The following BCAS3 variants were observed in gnomAD, a reference collection of about 807,000 sequenced individuals.
BCAS3 encodes the protein BCAS4/BCAS3 fusion.
A neutral mutation model predicts 116.1 loss-of-function variants in BCAS3; 53 were observed. The observed-to-expected ratio is 0.46, with a 90% CI of 0.37 to 0.57. BCAS3 has a LOEUF of 0.57. BCAS3 is among the 20% of genes least tolerant of loss of function. BCAS3 has a pLI of 0.00. For synonymous variants in BCAS3, 391 were observed against 408.2 expected, an observed-to-expected ratio of 0.96 and a Z score of 0.51; for missense variants, 917 against 1,165.4, an observed-to-expected ratio of 0.79 and a Z score of 3.10.
rs539534503 is a variant in BCAS3, at chr17:61,208,833, G to A, written c.2425+124269G>A. Among the ~76,000 whole-genome samples, 17 of 149,918 alleles carry A rather than the reference G, an allele frequency of 1.1e-4. No individual in the cohort carries two copies. The highest frequency in any genetic ancestry group is 3.9e-4 in the African/African-American group (16 of 40,656). ...CTTGCAGTGCAAGTCTATGATATAA[G>A]TGGTGTAGAGTGGTTTTGTTGCTAA... On this transcript the variant is annotated intron_variant, in intron 22 of 23. Coordinates refer to ENST00000407086, the MANE Select transcript of BCAS3 (RefSeq NM_017679.5). The surrounding 1 kb of genome is among the most constrained non-coding windows in gnomAD (Gnocchi z 4.5).
In BCAS3 at chr17:61,286,437, A is replaced by G. The variant is rs2051793057; in HGVS notation, c.2426-81890A>G. On this transcript the variant is annotated intron_variant, in intron 22 of 23. Transcript: ENST00000407086. This position sits in a 1 kb window ranked among gnomAD's most constrained non-coding sequence, Gnocchi z 4.8. ...ATTGGGAGGCTGGTAAATGGCCAGCAGGATAGAAATCCGACGTGGTGTTTA... is the reference window on the plus strand; with the variant it reads ...ATTGGGAGGCTGGTAAATGGCCAGCGGGATAGAAATCCGACGTGGTGTTTA... 6.6e-6 allele frequency among the ~76,000 whole-genome samples: 1 copy of G among 152,236 alleles called. No individual in the cohort carries two copies. The highest frequency in any genetic ancestry group is 1.5e-5 in the Non-Finnish European group (1 of 68,048).
intron 6 of BCAS3, among the ~76,000 whole-genome samples, chr17:60,803,025 A>G (rs1474302593): frequency 6.6e-6 from 1 of 152,126 alleles, no homozygotes; most frequent in African/African-American, 2.4e-5. Flanking sequence ...ACTTGTTAAC[A>G]TGTCCCAGAA....
chr17:61,198,193 T>C lies in BCAS3; in HGVS notation c.2425+113629T>C, dbSNP rs1601857432. On this transcript the variant is annotated intron_variant, in intron 22 of 23. Transcript: ENST00000407086. This position sits in a 1 kb window ranked among gnomAD's most constrained non-coding sequence, Gnocchi z 5.0. ...TCTCACTCTGTCCCCCAGGCTGGAG[T>C]GCAGTGGCCCAATCTCAGCTTACTG... Among the ~76,000 whole-genome samples, 1 of 149,964 alleles carries C rather than the reference T, an allele frequency of 6.7e-6. No individual in the cohort carries two copies. Among genetic ancestry groups the C allele is most frequent in the Non-Finnish European group, 1.5e-5 (1 of 67,738 alleles).
In BCAS3 at chr17:61,214,185, C is replaced by T. The variant is rs570269234; in HGVS notation, c.2425+129621C>T. Among the ~76,000 whole-genome samples the T allele has an allele frequency of 9.9e-5, 15 of 151,822 alleles. No individual in the cohort carries two copies. In the South Asian group the frequency reaches 1.2e-3, roughly 13 times the overall value. ...TTCAAGACCAGCCTGTCCAACATGG[C>T]GAAACCCCATCTCTATTAAAAAATA... On this transcript the variant is annotated intron_variant, in intron 22 of 23. Transcript: ENST00000407086. This position sits in a 1 kb window ranked among gnomAD's most constrained non-coding sequence, Gnocchi z 4.4.
intron 22 of BCAS3, among the ~76,000 whole-genome samples, chr17:61,197,499 A>G (rs1020709828): frequency 6.6e-6 from 1 of 152,174 alleles, no homozygotes; most frequent in Non-Finnish European, 1.5e-5. Flanking sequence ...TAGGTAATGC[A>G]TTTTCCTTCT....
At chr17:60,783,707 T>C (rs140878976) in intron 6 of BCAS3, among the ~76,000 whole-genome samples, 1 of 152,354 alleles carries the variant, frequency 6.6e-6, no homozygotes, top group East Asian at 1.9e-4. Flanking sequence ...AATAGCTACA[T>C]AACAGTTTTC....
chr17:60,819,819 A>G (rs1170237738), intron 7 of BCAS3, among the ~76,000 whole-genome samples: 1 of 151,862 alleles, frequency 6.6e-6, no homozygotes, highest in Non-Finnish European at 1.5e-5. Flanking sequence ...ACTGAAGGCA[A>G]TGGCTTGATC....
At chr17:61,329,986 C>T (rs1484271001) in intron 22 of BCAS3, among the ~76,000 whole-genome samples, 3 of 152,026 alleles carry the variant, frequency 2.0e-5, no homozygotes. Context: ...AAGAAGACAC[C>T]GTCCCTGCCC....
At chr17:60,891,619 G>C (rs2057154733) in intron 10 of BCAS3, 1 of 450,148 alleles carries the variant, frequency 2.2e-6, no homozygotes, top group African/African-American at 2.0e-5. Context: ...CAGTGAAAAT[G>C]CTCTTTGACT....
At chr17:60,698,006 C>T (rs2035843439) in intron 4 of BCAS3, among the ~76,000 whole-genome samples, 1 of 151,710 alleles carries the variant, frequency 6.6e-6, no homozygotes, top group African/African-American at 2.4e-5. Context: ...GGTAAAACCC[C>T]GTCTCTACTA....
At position 61,229,900 on chromosome 17, in the gene BCAS3, G is replaced by A. The variant is rs945529781; in HGVS notation, c.2426-138427G>A. Among the ~76,000 whole-genome samples, 4 of 152,194 alleles carry A rather than the reference G, an allele frequency of 2.6e-5. No homozygotes were observed. Among genetic ancestry groups the A allele is most frequent in the East Asian group, 1.9e-4 (1 of 5,192 alleles). On this transcript the variant is annotated intron_variant, in intron 22 of 23. Coordinates refer to ENST00000407086, the MANE Select transcript of BCAS3 (RefSeq NM_017679.5). The surrounding 1 kb of genome is among the most constrained non-coding windows in gnomAD (Gnocchi z 4.4). ...AGCACTTTGGGAGGCCAAGGCGGGC[G>A]GTTCACCTGAGGTCAGGAGTTCAAG...
chr17:60,835,264 T>C (rs961223230), intron 7 of BCAS3, among the ~76,000 whole-genome samples: 4 of 152,064 alleles, frequency 2.6e-5, no homozygotes, highest in African/African-American at 9.6e-5. Context: ...ATTTTTAGTA[T>C]CCTGAATTAC....
intron 22 of BCAS3, among the ~76,000 whole-genome samples, chr17:61,146,912 T>G (rs1211490648): frequency 3.3e-5 from 5 of 152,132 alleles, no homozygotes; most frequent in Non-Finnish European, 7.4e-5. Context: ...TTCCTTTTTT[T>G]AATTTAAAAA....
rs2079440021 is a variant in BCAS3, at chr17:61,180,878, A to G, written c.2425+96314A>G. Among the ~76,000 whole-genome samples the G allele has an allele frequency of 6.6e-6, 1 of 152,196 alleles. No homozygotes were observed. The highest frequency in any genetic ancestry group is 2.4e-5 in the African/African-American group (1 of 41,444). On this transcript the variant is annotated intron_variant, in intron 22 of 23. Coordinates refer to ENST00000407086, the MANE Select transcript of BCAS3 (RefSeq NM_017679.5). The surrounding 1 kb of genome is among the most constrained non-coding windows in gnomAD (Gnocchi z 6.0). ...ACAGGGTCTTATCTTTTGTCATTGC[A>G]TCCCTAGTTAGAATAGTCCCTGATG...
chr17:61,032,302 A>G lies in BCAS3; in HGVS notation c.1638-2364A>G, dbSNP rs779108490. Among the ~76,000 whole-genome samples, 4 of 152,168 alleles carry G rather than the reference A, an allele frequency of 2.6e-5. No homozygotes were observed. The highest frequency in any genetic ancestry group is 1.3e-4 in the Admixed American group (2 of 15,266). Reference sequence around the variant, plus strand: ...TTGTCCCAATGAAGCTTGTTGGTACATTGTAGTAGCTTTGTTCTCTGATGG... The same window carrying G: ...TTGTCCCAATGAAGCTTGTTGGTACGTTGTAGTAGCTTTGTTCTCTGATGG... On this transcript the variant is annotated intron_variant, in intron 16 of 23. Coordinates refer to ENST00000407086, the MANE Select transcript of BCAS3 (RefSeq NM_017679.5). This position sits in a 1 kb window ranked among gnomAD's most constrained non-coding sequence, Gnocchi z 4.6.
intron 22 of BCAS3, among the ~76,000 whole-genome samples, chr17:61,353,343 G>A (rs1358738463): frequency 6.6e-6 from 1 of 152,186 alleles, no homozygotes; most frequent in East Asian, 1.9e-4. Flanking sequence ...GATCCCCTGG[G>A]GGTCTTATTA....
chr17:61,318,380 G>A (rs1182852466), intron 22 of BCAS3, among the ~76,000 whole-genome samples: 1 of 152,142 alleles, frequency 6.6e-6, no homozygotes, highest in African/African-American at 2.4e-5. Context: ...CCTTGGTGGC[G>A]ATGGAGCAGC....
rs987575243 is a variant in BCAS3, at chr17:61,366,156, A to T, written c.2426-2171A>T. 2.1e-5 allele frequency among the ~76,000 whole-genome samples: 3 copies of T among 142,706 alleles called. No individual in the cohort carries two copies. Among genetic ancestry groups the T allele is most frequent in the Non-Finnish European group, 4.6e-5 (3 of 64,712 alleles). The allele number at this position is 142,706 out of a possible 152,430, so 93.6% of individuals were successfully genotyped here. A position where few individuals can be genotyped will look rare whatever the true frequency, so the allele number is the denominator to read the frequency against. On this transcript the variant is annotated intron_variant, in intron 22 of 23. Transcript: ENST00000407086. This position sits in a 1 kb window ranked among gnomAD's most constrained non-coding sequence, Gnocchi z 4.5. Reference sequence around the variant, plus strand: ...AGACTGTCTCAAAAAAAAAAAAAAAAGTTGAGCCAACAGGGAGGAGGAGGG... The same window carrying T: ...AGACTGTCTCAAAAAAAAAAAAAAATGTTGAGCCAACAGGGAGGAGGAGGG...
At chr17:61,191,899 CAGAA>C (rs1308520232) in intron 22 of BCAS3, among the ~76,000 whole-genome samples, 1 of 152,042 alleles carries the variant, frequency 6.6e-6, no homozygotes, top group Non-Finnish European at 1.5e-5. Context: ...GTAGTTCGCT[CAGAA>C]AGAAGCACAT....
Sources: allele counts gnomAD v4.1 joint callset (sites outside exome capture counted in the v4.1 genomes callset), GRCh38; gene constraint gnomAD v4.1.1; non-coding constraint Gnocchi (gnomAD v3.1); transcripts MANE v1.5; gene names NCBI Gene and HGNC (gene_info 2026-07-23, HGNC 2026-07-21).